APC: variants seen among roughly 807,000 people sequenced by gnomAD.
APC encodes the protein adenomatous polyposis coli protein.
APC carries 72 observed loss-of-function variants against 247.0 expected under a neutral mutation model. That is an observed-to-expected ratio of 0.29 (90% CI 0.24 to 0.35). The LOEUF (loss-of-function observed/expected upper bound fraction) is 0.35, where lower values mean the gene tolerates loss of function less well. APC is among the 10% of genes least tolerant of loss of function. The pLI, the probability that APC is intolerant of heterozygous loss-of-function variation, is 1.00. For synonymous variants in APC, 1,254 were observed against 1,162.5 expected (o/e 1.08, Z -1.60); for missense variants, 3,400 against 3,360.7 (o/e 1.01, Z -0.29).
intron 1 of APC, among the ~76,000 whole-genome samples, chr5:112,714,303 T>C (rs1581011784): frequency 6.6e-6 from 1 of 152,220 alleles, no homozygotes; most frequent in Non-Finnish European, 1.5e-5. Flanking sequence ...CAAAACAGAA[T>C]TGTCCTTTCA....
At chr5:112,720,093 GGTGTTCTTCTGTGAT>G (rs1361677895) in intron 1 of APC, among the ~76,000 whole-genome samples, 1 of 152,078 alleles carries the variant, frequency 6.6e-6, no homozygotes, top group Non-Finnish European at 1.5e-5. Flanking sequence ...TACATAAATT[GGTGTTCTTCTGTGAT>G]GGAGGAGTGT....
In APC at chr5:112,841,551, C is replaced by T. The variant is rs756266694; in HGVS notation, c.5957C>T (p.Pro1986Leu). The T allele has an allele frequency of 6.8e-6, 11 of 1,613,766 alleles. No homozygotes were observed. In the African/African-American group the frequency reaches 8.0e-5, roughly 12 times the overall value. Residue 1986 changes from proline to leucine, a missense_variant, in exon 16 of 16, where the codon CCT (proline) becomes CTT (leucine). By Grantham distance (98) the Pro-to-Leu change is moderately conservative (BLOSUM62 -3). Transcript: ENST00000257430. This position sits in a 1 kb window ranked among gnomAD's most constrained non-coding sequence, Gnocchi z 4.6. ...GAAAACAACAATAAAGAAAATGAACCTATCAAAGAGACTGAGCCCCCTGAC... is the reference window on the plus strand; with the variant it reads ...GAAAACAACAATAAAGAAAATGAACTTATCAAAGAGACTGAGCCCCCTGAC... ...DQENNNKENE[P>L]IKETEPPDSQ...
At chr5:112,826,388 G>C (rs1027929826) in intron 11 of APC, among the ~76,000 whole-genome samples, 1 of 148,846 alleles carries the variant, frequency 6.7e-6, no homozygotes, top group African/African-American at 2.5e-5. Flanking sequence ...CTTTACCTTT[G>C]TTTTCTCCTT....
chr5:112,806,754 T>G (rs1330504140), intron 8 of APC, among the ~76,000 whole-genome samples: 1 of 152,052 alleles, frequency 6.6e-6, no homozygotes, highest in East Asian at 1.9e-4. Flanking sequence ...TTTTTTAATT[T>G]TTTTATAGAG....
At chr5:112,768,346 A>G (rs1756603890) in intron 4 of APC, among the ~76,000 whole-genome samples, 2 of 150,826 alleles carry the variant, frequency 1.3e-5, no homozygotes, top group South Asian at 4.2e-4. Flanking sequence ...CACTTGGCCA[A>G]GACTCTGTCT....
intron 1 of APC, among the ~76,000 whole-genome samples, chr5:112,731,180 G>A (rs1023122278): frequency 6.6e-6 from 1 of 151,802 alleles, no homozygotes; most frequent in African/African-American, 2.4e-5. Context: ...CATTTCAGTA[G>A]TACAAGTAAT....
intron 2 of APC, among the ~76,000 whole-genome samples, chr5:112,764,329 T>G (rs1423958944): frequency 6.6e-6 from 1 of 151,796 alleles, no homozygotes; most frequent in Non-Finnish European, 1.5e-5. Context: ...TTGAGCCACT[T>G]GGGAAATTAT....
intron 1 of APC, among the ~76,000 whole-genome samples, chr5:112,721,434 A>T (rs576412565): frequency 2.0e-5 from 3 of 152,228 alleles, no homozygotes; most frequent in Admixed American, 6.5e-5. Flanking sequence ...TAAAATAAAA[A>T]AATAAAGACT....
chr5:112,738,528 GT>G, intron 1 of APC: 1 of 981,204 alleles, frequency 1.0e-6, no homozygotes, highest in African/African-American at 1.7e-5. Context: ...GCCTGCTTTT[GT>G]AAAACATCTA....
At chr5:112,760,466 T>C (rs1437850137) in intron 2 of APC, among the ~76,000 whole-genome samples, 2 of 152,104 alleles carry the variant, frequency 1.3e-5, no homozygotes, top group African/African-American at 4.8e-5. Flanking sequence ...GAGCAGGAGA[T>C]TAAAGACCTG....
Position 112,767,179 on chromosome 5 carries a change from T to TC in APC, c.221-10_221-9insC. 6.2e-7 allele frequency: 1 copy of TC among 1,609,054 alleles called. No homozygotes were observed. Among genetic ancestry groups the TC allele is most frequent in the South Asian group, 1.1e-5 (1 of 90,990 alleles). The stretch of plus-strand genomic sequence containing the variant: ...ATTGTTGTATAAAAACTTGTTTCTA[T>TC]TTTATTTAGAGCTTAACTTAGATAG... On this transcript the variant is annotated splice_polypyrimidine_tract_variant and intron_variant, in intron 3 of 15. Coordinates refer to ENST00000257430, the MANE Select transcript of APC (RefSeq NM_000038.6).
At chr5:112,740,942 T>C (rs1487005730) in intron 1 of APC, among the ~76,000 whole-genome samples, 1 of 152,252 alleles carries the variant, frequency 6.6e-6, no homozygotes, top group East Asian at 1.9e-4. Context: ...AATGATCTTT[T>C]ATACTTGTAT....
chr5:112,767,566 A>G lies in APC; in HGVS notation c.422+176A>G, dbSNP rs1313627352. Among the ~76,000 whole-genome samples the G allele has an allele frequency of 2.0e-5, 3 of 152,196 alleles. No homozygotes were observed. The East Asian group carries it at 5.8e-4, about 29-fold the overall frequency. On this transcript the variant is annotated intron_variant, in intron 4 of 15. Coordinates refer to ENST00000257430, the MANE Select transcript of APC (RefSeq NM_000038.6). ...TTGCACTTACATTAAATCTAAAAAT[A>G]TAAACAAGGCCGTTTCCTGGGATTC...
At chr5:112,813,491 A>T (rs1425912140) in intron 8 of APC, among the ~76,000 whole-genome samples, 1 of 152,180 alleles carries the variant, frequency 6.6e-6, no homozygotes, top group Non-Finnish European at 1.5e-5. Context: ...ATGAGCCCTT[A>T]ATTATTGCTT....
chr5:112,738,405 CTGA>C, intron 1 of APC: 1 of 985,704 alleles, frequency 1.0e-6, no homozygotes, highest in Non-Finnish European at 1.2e-6. Context: ...CTGCAGATGG[CTGA>C]TGTGAATCTA....
chr5:112,802,114 A>G (rs1760893283), intron 8 of APC, among the ~76,000 whole-genome samples: 1 of 152,078 alleles, frequency 6.6e-6, no homozygotes, highest in Non-Finnish European at 1.5e-5. Context: ...ACAGAATTTC[A>G]CTAAATTGTT....
At chr5:112,764,121 C>T (rs1351117071) in intron 2 of APC, among the ~76,000 whole-genome samples, 3 of 151,484 alleles carry the variant, frequency 2.0e-5, no homozygotes, top group Admixed American at 1.3e-4. Flanking sequence ...TGGCGGGAGC[C>T]TGTAGTCCCA....
At chr5:112,723,962 C>G (rs992859533) in intron 1 of APC, among the ~76,000 whole-genome samples, 5 of 151,850 alleles carry the variant, frequency 3.3e-5, no homozygotes, top group African/African-American at 9.7e-5. Flanking sequence ...GAACAAAATT[C>G]AGATGAAAAA....
At position 112,838,092 on chromosome 5, in the gene APC, G is replaced by C. The variant is rs1218113894; in HGVS notation, c.2498G>C (p.Ser833Thr). The change falls in exon 16 of 16, where the codon AGC becomes ACC. Residue 833 changes from serine to threonine, a missense_variant. Coordinates refer to ENST00000257430, the MANE Select transcript of APC (RefSeq NM_000038.6). ...SPYLNTTVLP[S>T]SSSSRGSLDS... is the part of the protein sequence containing the mutation. ...TATTTGAATACTACAGTGTTACCCA[G>C]CTCCTCTTCATCAAGAGGAAGCTTA... is the stretch of plus-strand genomic sequence containing the variant. The C allele has an allele frequency of 1.2e-6, 2 of 1,614,016 alleles. No homozygotes were observed. Among genetic ancestry groups the C allele is most frequent in the African/African-American group, 1.3e-5 (1 of 74,898 alleles).
Sources: gnomAD v4.1 joint callset for allele counts (sites outside exome capture counted in the v4.1 genomes callset) on GRCh38, gnomAD v4.1.1 for gene constraint, Gnocchi (gnomAD v3.1) non-coding constraint, MANE v1.5 for transcripts, NCBI Gene and HGNC (gene_info 2026-07-23, HGNC 2026-07-21) for gene names.